DLGAP1: variants seen among roughly 807,000 people sequenced by gnomAD.
DLGAP1 encodes disks large-associated protein 1.
A neutral mutation model predicts 90.8 loss-of-function variants in DLGAP1; 11 were observed. That is an observed-to-expected ratio of 0.12 (90% CI 0.08 to 0.20). The LOEUF is 0.20. Among genes scored for constraint, DLGAP1 ranks in the 10% least tolerant of loss-of-function variants. The pLI is 1.00. For missense variants in DLGAP1, 1,050 were observed against 1,333.8 expected (o/e 0.79, Z 3.31); for synonymous variants, 558 against 540.7 (o/e 1.03, Z -0.44).
At chr18:3,830,348 G>C (rs942620201) in intron 4 of DLGAP1, among the ~76,000 whole-genome samples, 2 of 152,108 alleles carry the variant, frequency 1.3e-5, no homozygotes, top group African/African-American at 4.8e-5. Context: ...GGCGGATCAC[G>C]ATGTCAGGAG....
chr18:3,905,819 G>A (rs2071894119), intron 3 of DLGAP1, among the ~76,000 whole-genome samples: 1 of 152,166 alleles, frequency 6.6e-6, no homozygotes, highest in South Asian at 2.1e-4. Flanking sequence ...GGGGGAAGCT[G>A]GTTATCATAA....
At chr18:4,218,218 A>G (rs1040139535) in intron 1 of DLGAP1, among the ~76,000 whole-genome samples, 2 of 151,192 alleles carry the variant, frequency 1.3e-5, no homozygotes, top group African/African-American at 4.9e-5. Flanking sequence ...CATTTGCATG[A>G]GTCTATTTCT....
chr18:3,585,924 AT>A (rs2055853556), intron 7 of DLGAP1, among the ~76,000 whole-genome samples: 1 of 152,180 alleles, frequency 6.6e-6, no homozygotes, highest in Non-Finnish European at 1.5e-5. Context: ...GCTAGTTCAC[AT>A]TGTTTCCAAC....
At chr18:4,095,140 A>G (rs1419232773) in intron 2 of DLGAP1, among the ~76,000 whole-genome samples, 1 of 152,200 alleles carries the variant, frequency 6.6e-6, no homozygotes, top group Non-Finnish European at 1.5e-5. Flanking sequence ...TTTTGCCTCA[A>G]GAGGGGACCA....
chr18:4,236,401 A>C (rs1172766809), intron 1 of DLGAP1, among the ~76,000 whole-genome samples: 1 of 152,214 alleles, frequency 6.6e-6, no homozygotes, highest in Non-Finnish European at 1.5e-5. Context: ...AACTGCACCT[A>C]GTAAATGTGC....
intron 3 of DLGAP1, among the ~76,000 whole-genome samples, chr18:3,955,071 G>T (rs573677688): frequency 6.6e-6 from 1 of 152,016 alleles, no homozygotes; most frequent in Non-Finnish European, 1.5e-5. Flanking sequence ...TCCAGGCTGC[G>T]GGGGGGAAGG....
chr18:4,451,497 G>T (rs1435412686), intron 1 of DLGAP1, among the ~76,000 whole-genome samples: 1 of 152,112 alleles, frequency 6.6e-6, no homozygotes. Flanking sequence ...AATGTCAGAA[G>T]ACTATTTCTA....
At chr18:4,044,195 TC>T (rs2075015807) in intron 2 of DLGAP1, among the ~76,000 whole-genome samples, 1 of 152,216 alleles carries the variant, frequency 6.6e-6, no homozygotes, top group Non-Finnish European at 1.5e-5. Flanking sequence ...GGTTTCTCTT[TC>T]CTGGAAAGTT....
intron 2 of DLGAP1, among the ~76,000 whole-genome samples, chr18:4,142,749 T>C (rs111248272): frequency 9.2e-5 from 14 of 152,156 alleles, no homozygotes; most frequent in Admixed American, 5.2e-4. Flanking sequence ...TCTCCAGGTA[T>C]TGGTATTCAT....
At chr18:3,662,212 A>C (rs1166215265) in intron 7 of DLGAP1, among the ~76,000 whole-genome samples, 1 of 152,232 alleles carries the variant, frequency 6.6e-6, no homozygotes, top group African/African-American at 2.4e-5. Context: ...AAAGAGCTAG[A>C]ATGTGTTGAG....
intron 1 of DLGAP1, among the ~76,000 whole-genome samples, chr18:4,240,747 A>G (rs1187587179): frequency 3.9e-5 from 6 of 152,216 alleles, no homozygotes; most frequent in Non-Finnish European, 8.8e-5. Flanking sequence ...TTGTGAGAGC[A>G]CTGAAATTTG....
chr18:4,351,772 A>T (rs547740131), intron 1 of DLGAP1, among the ~76,000 whole-genome samples: 3 of 152,346 alleles, frequency 2.0e-5, no homozygotes, highest in Non-Finnish European at 2.9e-5. Flanking sequence ...TCATTAATCA[A>T]AGACATACTA....
chr18:4,388,837 T>C (rs1181135367), intron 1 of DLGAP1, among the ~76,000 whole-genome samples: 9 of 152,056 alleles, frequency 5.9e-5, no homozygotes. Flanking sequence ...TTGGCTACTA[T>C]CAAAACAAAA....
intron 1 of DLGAP1, among the ~76,000 whole-genome samples, chr18:4,237,122 T>C (rs2078432766): frequency 6.6e-6 from 1 of 152,168 alleles, no homozygotes; most frequent in Non-Finnish European, 1.5e-5. Flanking sequence ...AGTCGGGAAA[T>C]GACTGTGTGT....
At chr18:3,742,628 A>G (rs2063103862) in intron 5 of DLGAP1, 116 bp from the exon 6 acceptor site, 1 of 1,232,544 alleles carries the variant, frequency 8.1e-7, no homozygotes, top group South Asian at 1.5e-5. Context: ...AATGACATAG[A>G]TGCCCTTCTG....
intron 1 of DLGAP1, among the ~76,000 whole-genome samples, chr18:4,350,091 G>A (rs2081376694): frequency 6.6e-6 from 1 of 152,138 alleles, no homozygotes; most frequent in African/African-American, 2.4e-5. Flanking sequence ...CAGAAGAGAA[G>A]CAGAATTGTT....
intron 8 of DLGAP1, among the ~76,000 whole-genome samples, chr18:3,576,063 C>G (rs2055109489): frequency 6.6e-6 from 1 of 152,150 alleles, no homozygotes; most frequent in South Asian, 2.1e-4. Flanking sequence ...AGCCTCGAGC[C>G]CATCTTCTAC....
At chr18:4,382,098 T>A (rs1369184862) in intron 1 of DLGAP1, among the ~76,000 whole-genome samples, 24 of 152,078 alleles carry the variant, frequency 1.6e-4, no homozygotes, top group Admixed American at 1.6e-3. Flanking sequence ...ATGTGGGAAT[T>A]ATGGGAATTA....
intron 1 of DLGAP1, among the ~76,000 whole-genome samples, chr18:4,343,187 G>C (rs550614901): frequency 3.3e-5 from 5 of 151,736 alleles, no homozygotes; most frequent in African/African-American, 9.7e-5. Flanking sequence ...GGCGCCTGTA[G>C]TCCCAGCTAC....
Sources: allele counts gnomAD v4.1 joint callset (sites outside exome capture counted in the v4.1 genomes callset), GRCh38; gene constraint gnomAD v4.1.1; transcripts MANE v1.5; gene names NCBI Gene and HGNC (gene_info 2026-07-23, HGNC 2026-07-21).